The following KCNIP4 variants were observed in gnomAD, a reference collection of about 807,000 sequenced individuals.
KCNIP4 encodes the protein Kv channel-interacting protein 4.
KCNIP4 carries 12 observed loss-of-function variants against 34.0 expected under a neutral mutation model. The ratio of observed to expected loss-of-function variants is 0.35; its 90% CI spans 0.23 to 0.57. KCNIP4 has a LOEUF of 0.57. KCNIP4 is among the 20% of genes least tolerant of loss of function. The pLI, the probability that KCNIP4 is intolerant of heterozygous loss-of-function variation, is 0.83. For synonymous variants in KCNIP4, 124 were observed against 102.2 expected, an observed-to-expected ratio of 1.21 and a Z score of -1.29; for missense variants, 238 against 311.7, an observed-to-expected ratio of 0.76 and a Z score of 1.78.
chr4:21,850,222 A>C (rs1724289163), intron 1 of KCNIP4: 1 of 152,112 alleles, frequency 6.6e-6, no homozygotes, highest in Non-Finnish European at 1.5e-5. Context: ...ATACAGATGA[A>C]AGCTATCAGT....
intron 1 of KCNIP4, among the ~76,000 whole-genome samples, chr4:20,922,579 ATCTATCTC>A (rs1729513997): frequency 7.3e-6 from 1 of 136,680 alleles, no homozygotes; most frequent in South Asian, 2.5e-4. Flanking sequence ...CTATCTATCT[ATCTATCTC>A]CTATTGGTTC....
intron 1 of KCNIP4, chr4:21,315,177 G>A (rs909777825): frequency 1.3e-5 from 2 of 152,112 alleles, no homozygotes; most frequent in African/African-American, 2.4e-5. Flanking sequence ...ACCCTTGAAC[G>A]ACATAGGTTA....
chr4:21,647,173 CTTAA>C (rs1328464469), intron 1 of KCNIP4, among the ~76,000 whole-genome samples: 1 of 151,802 alleles, frequency 6.6e-6, no homozygotes, highest in African/African-American at 2.4e-5. Flanking sequence ...TATCTTATAT[CTTAA>C]TTATATTTTA....
chr4:21,362,606 A>C (rs1315988320), intron 1 of KCNIP4, among the ~76,000 whole-genome samples: 3 of 152,112 alleles, frequency 2.0e-5, no homozygotes, highest in Non-Finnish European at 1.5e-5. Flanking sequence ...TAAAGATTGA[A>C]TTAAAAAAAC....
At chr4:20,846,217 T>C (rs1720349471) in intron 3 of KCNIP4, among the ~76,000 whole-genome samples, 1 of 152,144 alleles carries the variant, frequency 6.6e-6, no homozygotes, top group Non-Finnish European at 1.5e-5. Context: ...CAGGGGAAGA[T>C]TCCATAGAAG....
intron 3 of KCNIP4, chr4:20,767,275 A>G (rs1755498028): frequency 6.6e-6 from 1 of 152,166 alleles, no homozygotes; most frequent in Non-Finnish European, 1.5e-5. Context: ...ATCTAATATC[A>G]TCAGAATTTA....
chr4:21,381,996 G>A (rs554796067), intron 1 of KCNIP4, among the ~76,000 whole-genome samples: 123 of 152,270 alleles, frequency 8.1e-4, no homozygotes, highest in African/African-American at 2.7e-3. Flanking sequence ...AGCTACAGGA[G>A]CCTAAGAAAA....
intron 1 of KCNIP4, among the ~76,000 whole-genome samples, chr4:21,061,582 A>C (rs1003729320): frequency 1.3e-5 from 2 of 152,130 alleles, no homozygotes; most frequent in Non-Finnish European, 2.9e-5. Flanking sequence ...TACATAACAG[A>C]GGCTTTTAAT....
intron 1 of KCNIP4, among the ~76,000 whole-genome samples, chr4:21,779,868 C>T (rs185199455): frequency 1.3e-4 from 19 of 151,434 alleles, no homozygotes; most frequent in Non-Finnish European, 1.6e-4. Context: ...GAGTTCAAGG[C>T]TGCAGTGAGC....
At chr4:21,744,347 T>C (rs1175626192) in intron 1 of KCNIP4, among the ~76,000 whole-genome samples, 1 of 152,144 alleles carries the variant, frequency 6.6e-6, no homozygotes, top group Non-Finnish European at 1.5e-5. Context: ...TCAAATAACA[T>C]TGACCCCTGC....
At chr4:21,709,979 A>G (rs1198594382) in intron 1 of KCNIP4, among the ~76,000 whole-genome samples, 1 of 152,206 alleles carries the variant, frequency 6.6e-6, no homozygotes, top group Non-Finnish European at 1.5e-5. Flanking sequence ...CTGCCAGCAC[A>G]TGCAACTTTT....
intron 1 of KCNIP4, among the ~76,000 whole-genome samples, chr4:21,507,622 C>T (rs1577485105): frequency 6.6e-6 from 1 of 152,206 alleles, no homozygotes; most frequent in Admixed American, 6.5e-5. Context: ...TTAAATTTGT[C>T]ACTAGGTGGT....
chr4:21,942,961 G>T (rs1730289041), intron 1 of KCNIP4, among the ~76,000 whole-genome samples: 2 of 152,088 alleles, frequency 1.3e-5, no homozygotes, highest in South Asian at 4.1e-4. Flanking sequence ...GTTTCATCAT[G>T]TTGGCCAGGC....
At chr4:21,557,238 G>A (rs1040541188) in intron 1 of KCNIP4, among the ~76,000 whole-genome samples, 12 of 152,144 alleles carry the variant, frequency 7.9e-5, no homozygotes, top group Middle Eastern at 3.4e-3. Flanking sequence ...AATATTCATC[G>A]CTAGTAGACT....
At chr4:20,838,429 C>T (rs1047187240) in intron 3 of KCNIP4, among the ~76,000 whole-genome samples, 10 of 152,156 alleles carry the variant, frequency 6.6e-5, no homozygotes, top group African/African-American at 2.2e-4. Flanking sequence ...TATCAGAATG[C>T]TGTTTGTTCC....
chr4:20,788,464 G>A (rs895966837), intron 3 of KCNIP4, among the ~76,000 whole-genome samples: 5 of 152,234 alleles, frequency 3.3e-5, no homozygotes, highest in Non-Finnish European at 5.9e-5. Flanking sequence ...GCAGTTCATG[G>A]CAGAAGAAGA....
At chr4:21,789,200 C>G (rs1720111946) in intron 1 of KCNIP4, among the ~76,000 whole-genome samples, 1 of 152,038 alleles carries the variant, frequency 6.6e-6, no homozygotes, top group Non-Finnish European at 1.5e-5. Flanking sequence ...TTTCTTCTAC[C>G]CGCCCTGGGT....
chr4:21,632,306 C>T (rs892042475), intron 1 of KCNIP4, among the ~76,000 whole-genome samples: 3 of 152,076 alleles, frequency 2.0e-5, no homozygotes, highest in Middle Eastern at 3.2e-3. Flanking sequence ...CTCTGCCTCC[C>T]GGGTTCAAGG....
chr4:20,993,657 A>C (rs2149708799), intron 1 of KCNIP4, among the ~76,000 whole-genome samples: 1 of 152,342 alleles, frequency 6.6e-6, no homozygotes, highest in Middle Eastern at 3.4e-3. Flanking sequence ...GTTGCAGCTT[A>C]TGTGCCTGAG....
Sources: gnomAD v4.1 joint callset for allele counts (sites outside exome capture counted in the v4.1 genomes callset) on GRCh38, gnomAD v4.1.1 for gene constraint, MANE v1.5 for transcripts, NCBI Gene and HGNC (gene_info 2026-07-23, HGNC 2026-07-21) for gene names.